Variants in TIA1 observed in about 807,000 individuals in gnomAD.
TIA1 encodes the protein TIA1 cytotoxic granule associated RNA binding protein, also known as cytotoxic granule associated RNA binding protein TIA1.
TIA1 carries 23 observed loss-of-function variants against 65.9 expected under a neutral mutation model. The ratio of observed to expected loss-of-function variants is 0.35; its 90% confidence interval spans 0.25 to 0.49. TIA1 has a LOEUF of 0.49. Ranked by LOEUF, TIA1 falls within the 20% of genes least tolerant of loss-of-function variation. The pLI is 0.98. For synonymous variants in TIA1, 147 were observed against 149.4 expected, an observed-to-expected ratio of 0.98 and a Z score of 0.12; for missense variants, 371 against 477.9, an observed-to-expected ratio of 0.78 and a Z score of 2.09.
intron 3 of TIA1, 38 bp from the exon 4 acceptor site, chr2:70,229,356 A>T (rs772255006): frequency 1.6e-5 from 24 of 1,544,590 alleles, no homozygotes; most frequent in Non-Finnish European, 1.5e-5. Flanking sequence ...ACTTCACAAA[A>T]ATAAAGCCCA....
At chr2:70,213,938 T>C (rs1174134339) in intron 12 of TIA1, among the ~76,000 whole-genome samples, 6 of 152,182 alleles carry the variant, frequency 3.9e-5, no homozygotes, top group Non-Finnish European at 2.9e-5. Flanking sequence ...AGGCAGGAAC[T>C]ACCACGCCCA....
At chr2:70,239,738 C>T (rs566207706) in intron 1 of TIA1, among the ~76,000 whole-genome samples, 12 of 152,200 alleles carry the variant, frequency 7.9e-5, no homozygotes, top group East Asian at 5.8e-4. Context: ...TGACATTTAA[C>T]GATCAGGTAA....
At chr2:70,217,816 T>C (rs1437140819) in intron 7 of TIA1, among the ~76,000 whole-genome samples, 2 of 152,182 alleles carry the variant, frequency 1.3e-5, no homozygotes, top group African/African-American at 2.4e-5. Flanking sequence ...TTTCTCTTAT[T>C]TGAATATTAA....
Position 70,248,452 on chromosome 2 carries a change from G to C in TIA1, c.-22C>G, listed in dbSNP as rs1302174741. 16 of 1,600,706 alleles carry C rather than the reference G, an allele frequency of 1.0e-5. No homozygotes were observed. The highest frequency in any genetic ancestry group is 1.4e-5 in the Non-Finnish European group (16 of 1,179,914). ...CCATGGCTGCTGCTGTCGCGGCGGC[G>C]CCTCCAGGTCCAGCTCCCTGCCCTT... On this transcript the variant is annotated 5_prime_UTR_variant, in exon 1 of 13. Transcript: ENST00000433529.
rs1321245842 is a variant in TIA1, at chr2:70,210,442, G to A, written c.*2277C>T. 1 of 152,144 alleles carries A rather than the reference G, an allele frequency of 6.6e-6. No individual in the cohort carries two copies. Among genetic ancestry groups the A allele is most frequent in the Non-Finnish European group, 1.5e-5 (1 of 68,022 alleles). The allele number at this position is 152,144 out of a possible 1,614,324, so 9.4% of individuals were successfully genotyped here. On this transcript the variant is annotated 3_prime_UTR_variant, in exon 13 of 13. Transcript: ENST00000433529. ...AGTAAGATTTAAACCAAAGATAGAGGTGTTCCTGAAATGTGAATTTGTTCA... is the reference window on the plus strand; with the variant it reads ...AGTAAGATTTAAACCAAAGATAGAGATGTTCCTGAAATGTGAATTTGTTCA...
chr2:70,218,549 G>C (rs1437063441), intron 7 of TIA1, among the ~76,000 whole-genome samples: 1 of 152,136 alleles, frequency 6.6e-6, no homozygotes, highest in Non-Finnish European at 1.5e-5. Flanking sequence ...CTCCTGTACA[G>C]GTGCCAGCCA....
intron 1 of TIA1, among the ~76,000 whole-genome samples, chr2:70,245,450 T>A (rs566095390): frequency 1.2e-3 from 181 of 152,358 alleles, no homozygotes; most frequent in African/African-American, 4.2e-3. Context: ...GAATTAACTT[T>A]CATCAACTAA....
At chr2:70,225,847 G>C (rs764623494) in intron 6 of TIA1, among the ~76,000 whole-genome samples, 1 of 152,128 alleles carries the variant, frequency 6.6e-6, no homozygotes, top group Non-Finnish European at 1.5e-5. Context: ...AATAGGAAGA[G>C]TTTATAGGCT....
At chr2:70,227,116 G>A (rs1164546076) in intron 6 of TIA1, among the ~76,000 whole-genome samples, 2 of 151,938 alleles carry the variant, frequency 1.3e-5, no homozygotes, top group Non-Finnish European at 2.9e-5. Context: ...ACTCTAATAT[G>A]GCATGCTTTT....
At chr2:70,245,039 G>T (rs1161302794) in intron 1 of TIA1, among the ~76,000 whole-genome samples, 1 of 152,066 alleles carries the variant, frequency 6.6e-6, no homozygotes, top group Non-Finnish European at 1.5e-5. Flanking sequence ...AGGCTGGAGT[G>T]CAGTGGCGTG....
chr2:70,243,308 TC>T (rs2104739356), intron 1 of TIA1, among the ~76,000 whole-genome samples: 1 of 152,192 alleles, frequency 6.6e-6, no homozygotes, highest in African/African-American at 2.4e-5. Flanking sequence ...ATGCCTATAG[TC>T]CCAGCTATTC....
intron 5 of TIA1, 173 bp downstream of exon 5, chr2:70,228,886 G>C: frequency 1.4e-6 from 2 of 1,447,408 alleles, no homozygotes; most frequent in Non-Finnish European, 1.8e-6. Flanking sequence ...CCAAAGTAGC[G>C]GACAAGTTAT....
intron 2 of TIA1, among the ~76,000 whole-genome samples, chr2:70,231,099 A>C (rs2104455671): frequency 6.6e-6 from 1 of 152,232 alleles, no homozygotes; most frequent in Non-Finnish European, 1.5e-5. Flanking sequence ...GCAGTTTGAG[A>C]CCAACTTGGC....
At chr2:70,240,088 G>C (rs1690999632) in intron 1 of TIA1, among the ~76,000 whole-genome samples, 1 of 152,146 alleles carries the variant, frequency 6.6e-6, no homozygotes, top group African/African-American at 2.4e-5. Flanking sequence ...AGGTGTCAAA[G>C]TTATCACATA....
intron 11 of TIA1, among the ~76,000 whole-genome samples, 169 bp from the exon 12 acceptor site, chr2:70,214,663 AAAC>A (rs1280847927): frequency 7.9e-5 from 12 of 152,100 alleles, no homozygotes; most frequent in African/African-American, 1.9e-4. Context: ...AAAAAACAAA[AAAC>A]AACAACAAAA....
At chr2:70,247,467 A>C (rs916871964) in intron 1 of TIA1, among the ~76,000 whole-genome samples, 2 of 152,244 alleles carry the variant, frequency 1.3e-5, no homozygotes, top group African/African-American at 4.8e-5. Flanking sequence ...ATGTCATCCA[A>C]GAAAAACAAA....
At chr2:70,245,012 G>A (rs1693663801) in intron 1 of TIA1, among the ~76,000 whole-genome samples, 2 of 151,998 alleles carry the variant, frequency 1.3e-5, no homozygotes, top group African/African-American at 2.4e-5. Context: ...ATTGGGCTCC[G>A]TCTTGCTCTG....
chr2:70,217,632 C>T (rs1413485307), intron 7 of TIA1, among the ~76,000 whole-genome samples: 2 of 152,080 alleles, frequency 1.3e-5, no homozygotes, highest in Non-Finnish European at 2.9e-5. Flanking sequence ...CTCCTGACCT[C>T]GTGATCCTCC....
intron 5 of TIA1, among the ~76,000 whole-genome samples, chr2:70,228,153 T>C (rs998273285): frequency 3.9e-5 from 6 of 152,182 alleles, no homozygotes; most frequent in African/African-American, 1.4e-4. Context: ...ATGACTTAGT[T>C]ACCATTCTAA....
Sources: gnomAD v4.1 joint callset for allele counts (sites outside exome capture counted in the v4.1 genomes callset) on GRCh38, gnomAD v4.1.1 for gene constraint, MANE v1.5 for transcripts, NCBI Gene and HGNC (gene_info 2026-07-23, HGNC 2026-07-21) for gene names.